Variants in CCDC33 observed in about 807,000 individuals in gnomAD.
The protein encoded by CCDC33 is coiled-coil domain containing 33, also known as coiled-coil domain-containing protein 33.
In CCDC33, 94 loss-of-function variants were observed where a neutral mutation model predicts 91.9. The ratio of observed to expected loss-of-function variants is 1.02; its 90% CI spans 0.87 to 1.21. The LOEUF is 1.21. Ranked by LOEUF, CCDC33 falls within the 50% of genes most tolerant of loss-of-function variation. CCDC33 has a pLI of 0.00. For synonymous variants in CCDC33, 396 were observed against 374.5 expected (o/e 1.06, Z -0.66); for missense variants, 940 against 935.5 (o/e 1.00, Z -0.06).
In CCDC33 at chr15:74,245,277, G is replaced by T. The variant is rs531064392; in HGVS notation, c.185+1129G>T. On this transcript the variant is annotated intron_variant, in intron 2 of 18. Transcript: ENST00000398814. ...GGCCAACACCTGGTTACTATGATAA[G>T]TCCCTGCCCCCCCAGGGCCCCCACT... Among the ~76,000 whole-genome samples the T allele has an allele frequency of 2.6e-5, 4 of 152,312 alleles. No individual in the cohort carries two copies. In the East Asian group the frequency reaches 7.7e-4, roughly 29 times the overall value.
intron 11 of CCDC33, among the ~76,000 whole-genome samples, chr15:74,298,445 T>A (rs1198560142): frequency 6.6e-6 from 1 of 152,196 alleles, no homozygotes; most frequent in Non-Finnish European, 1.5e-5. Flanking sequence ...CCAGTCTTGA[T>A]TTTCTCTTAA....
chr15:74,288,789 T>C (rs1223182379), intron 10 of CCDC33, among the ~76,000 whole-genome samples: 1 of 152,224 alleles, frequency 6.6e-6, no homozygotes. Flanking sequence ...GCCAAGACAC[T>C]TGAAGTGCTG....
intron 12 of CCDC33, 44 bp from the exon 13 acceptor site, chr15:74,330,619 G>A (rs111878744): frequency 2.0e-6 from 3 of 1,481,252 alleles, no homozygotes; most frequent in Non-Finnish European, 1.9e-6. Context: ...ATTTGAGCTG[G>A]GAGAGGCTTC....
chr15:74,335,938 A>G lies in CCDC33; in HGVS notation c.2153A>G (p.His718Arg), dbSNP rs2060558490. The G allele has an allele frequency of 6.2e-7, 1 of 1,613,194 alleles. No homozygotes were observed. Among genetic ancestry groups the G allele is most frequent in the African/African-American group, 1.3e-5 (1 of 74,786 alleles). The change falls in exon 19 of 19, where the codon CAC becomes CGC. Residue 718 changes from histidine (H) to arginine (R), a missense_variant. Physicochemically the swap from His to Arg is conservative, Grantham distance 29 (BLOSUM62 0). Transcript: ENST00000398814. ...TGCACACCACAGAGTGCCCTCACCC[A>G]CTCCATGGACCTCAAGCAGCCCTCA... ...IIIEQPSALTHSMDLKQPSEL... is the reference protein window; with the variant it reads ...IIIEQPSALTRSMDLKQPSEL...
At chr15:74,224,916 G>A (rs1011030245) in intron 2 of CCDC33, among the ~76,000 whole-genome samples, 1 of 152,168 alleles carries the variant, frequency 6.6e-6, no homozygotes, top group African/African-American at 2.4e-5. Context: ...GGTGTTAGGA[G>A]CTTGTGAGTC....
At chr15:74,323,606 C>T (rs2060248760) in intron 11 of CCDC33, among the ~76,000 whole-genome samples, 1 of 152,110 alleles carries the variant, frequency 6.6e-6, no homozygotes, top group African/African-American at 2.4e-5. Flanking sequence ...CAGCTCACTG[C>T]AACCTCCGCC....
intron 11 of CCDC33, chr15:74,300,375 A>C (rs1259002728): frequency 6.6e-6 from 1 of 152,306 alleles, no homozygotes; most frequent in Non-Finnish European, 1.5e-5. Context: ...TAGCACTGGG[A>C]CACAACTGAG....
At chr15:74,264,001 T>C (rs2076098260) in intron 3 of CCDC33, among the ~76,000 whole-genome samples, 1 of 151,658 alleles carries the variant, frequency 6.6e-6, no homozygotes, top group African/African-American at 2.4e-5. Context: ...ATACTTGGGG[T>C]AACAGAGGAA....
chr15:74,269,532 C>T (rs2142417081), intron 5 of CCDC33, among the ~76,000 whole-genome samples: 1 of 152,322 alleles, frequency 6.6e-6, no homozygotes, highest in Non-Finnish European at 1.5e-5. Context: ...TTCCTGAGGA[C>T]AGCCAGCAAT....
upstream of CCDC33, among the ~76,000 whole-genome samples, chr15:74,233,120 G>A (rs2075036032): frequency 2.0e-5 from 3 of 152,096 alleles, no homozygotes; most frequent in East Asian, 1.9e-4. Context: ...GGCCTTCCTC[G>A]ACCCCTTTAT....
chr15:74,203,360 G>A (rs752776130), intron 1 of CCDC33: 5 of 261,274 alleles, frequency 1.9e-5, no homozygotes, highest in Non-Finnish European at 2.4e-5. Flanking sequence ...GGGTGAGCAA[G>A]GGAAGGTCTG....
At chr15:74,254,270 ATC>A (rs1276562282) in intron 2 of CCDC33, among the ~76,000 whole-genome samples, 1 of 152,126 alleles carries the variant, frequency 6.6e-6, no homozygotes, top group Non-Finnish European at 1.5e-5. Flanking sequence ...TGACTTCATG[ATC>A]TGCCCGCCTC....
At chr15:74,267,022 A>C (rs2076183512) in intron 4 of CCDC33, among the ~76,000 whole-genome samples, 2 of 152,200 alleles carry the variant, frequency 1.3e-5, no homozygotes, top group Admixed American at 6.5e-5. Context: ...TTATAGGACA[A>C]CTGCCACATT....
chr15:74,238,072 G>C (rs1047657257), intron 1 of CCDC33, among the ~76,000 whole-genome samples: 2 of 152,086 alleles, frequency 1.3e-5, no homozygotes, highest in South Asian at 2.1e-4. Flanking sequence ...ATGTTGCAGT[G>C]AGCCGAGATC....
intron 17 of CCDC33, 71 bp downstream of exon 17, chr15:74,334,038 G>A: frequency 7.5e-7 from 1 of 1,332,450 alleles, no homozygotes; most frequent in Non-Finnish European, 1.1e-6. Flanking sequence ...GGCTCAGTGT[G>A]TGAGCAGAGT....
At chr15:74,317,315 C>T (rs568767659) in intron 11 of CCDC33, among the ~76,000 whole-genome samples, 22 of 152,274 alleles carry the variant, frequency 1.4e-4, no homozygotes, top group African/African-American at 4.1e-4. Flanking sequence ...GAGCCCAGAT[C>T]GCGCCACTGT....
chr15:74,321,974 G>A (rs1340515513), intron 11 of CCDC33, among the ~76,000 whole-genome samples: 1 of 152,112 alleles, frequency 6.6e-6, no homozygotes, highest in Non-Finnish European at 1.5e-5. Flanking sequence ...TCTGGGCAGA[G>A]GTAGGGAAGG....
chr15:74,298,815 C>T (rs1481520749), intron 11 of CCDC33, among the ~76,000 whole-genome samples: 3 of 148,582 alleles, frequency 2.0e-5, no homozygotes, highest in Non-Finnish European at 4.4e-5. Context: ...CGGGTTCAAG[C>T]GATTCTCCTT....
At chr15:74,307,474 C>G (rs774466292) in intron 11 of CCDC33, among the ~76,000 whole-genome samples, 3 of 152,140 alleles carry the variant, frequency 2.0e-5, no homozygotes, top group Non-Finnish European at 4.4e-5. Flanking sequence ...GGCCACCAGA[C>G]AAGACCGAGG....
Sources: allele counts gnomAD v4.1 joint callset (sites outside exome capture counted in the v4.1 genomes callset), GRCh38; gene constraint gnomAD v4.1.1; transcripts MANE v1.5; gene names NCBI Gene and HGNC (gene_info 2026-07-23, HGNC 2026-07-21).